Variants in CECR2 observed in about 807,000 individuals in gnomAD.
CECR2 encodes the protein CECR2 histone acetyl-lysine reader.
In CECR2, 30 loss-of-function variants were observed where a neutral mutation model predicts 154.5. The ratio of observed to expected loss-of-function variants is 0.19; its 90% CI spans 0.15 to 0.26. The LOEUF is 0.26. CECR2 is among the 10% of genes least tolerant of loss of function. The pLI is 1.00. For missense variants in CECR2, 1,743 were observed against 1,829.3 expected, an observed-to-expected ratio of 0.95 and a Z score of 0.86; for synonymous variants, 725 against 683.7, an observed-to-expected ratio of 1.06 and a Z score of -0.94.
At chr22:17,487,569 C>T (rs1206643345) in intron 2 of CECR2, among the ~76,000 whole-genome samples, 1 of 152,060 alleles carries the variant, frequency 6.6e-6, no homozygotes, top group Non-Finnish European at 1.5e-5. Context: ...GGTTTGGTAG[C>T]GAGCGCCTGT....
At position 17,402,000 on chromosome 22, in the gene CECR2, T is replaced by G. The variant is rs148436069; in HGVS notation, c.126+32091T>G. Among the ~76,000 whole-genome samples the G allele has an allele frequency of 6.3e-3, 954 of 152,204 alleles. 11 individuals are homozygous for G. Among genetic ancestry groups the G allele is most frequent in the African/African-American group, 0.022 (917 of 41,518 alleles). On this transcript the variant is annotated intron_variant, in intron 1 of 18. Transcript: ENST00000262608. ...AGCTCAACATTTTAACTTTTTTTAT[T>G]GGAGACAGAGTCTCGCTCTTTTGCC... is the stretch of plus-strand genomic sequence containing the variant.
chr22:17,542,703 C>T lies in CECR2; in HGVS notation c.2560C>T (p.Pro854Ser), dbSNP rs1466576763. The T allele has an allele frequency of 1.9e-6, 3 of 1,613,944 alleles. No individual in the cohort carries two copies. The highest frequency in any genetic ancestry group is 2.5e-6 in the Non-Finnish European group (3 of 1,179,918). The change falls in exon 16 of 19, where the codon CCT becomes TCT. Residue 854 changes from proline (P) to serine (S), a missense_variant. Physicochemically the swap from Pro to Ser is moderately conservative, Grantham distance 74. Coordinates refer to ENST00000262608, the MANE Select transcript of CECR2 (RefSeq NM_001290047.2). Reference sequence around the variant, plus strand: ...GTCTGCCGGACATCGGTTACAGCCACCTCCAGTGCCAGCACCCAGTTCTTT... The same window carrying T: ...GTCTGCCGGACATCGGTTACAGCCATCTCCAGTGCCAGCACCCAGTTCTTT... ...CKSAGHRLQP[P>S]PVPAPSSLFG...
At chr22:17,374,934 C>T (rs1242528373) in intron 1 of CECR2, among the ~76,000 whole-genome samples, 9 of 152,024 alleles carry the variant, frequency 5.9e-5, no homozygotes, top group East Asian at 1.9e-4. Context: ...CATCGCACTG[C>T]TTCTGCAGGT....
intron 1 of CECR2, among the ~76,000 whole-genome samples, chr22:17,361,968 A>T (rs1385574431): frequency 6.6e-6 from 1 of 152,080 alleles, no homozygotes; most frequent in African/African-American, 2.4e-5. Context: ...GTGAGTTGGG[A>T]GACACTGCAG....
chr22:17,481,769 G>A (rs1255174228), intron 2 of CECR2, among the ~76,000 whole-genome samples: 3 of 152,160 alleles, frequency 2.0e-5, no homozygotes, highest in Non-Finnish European at 1.5e-5. Flanking sequence ...TACTCATGTG[G>A]TTATGGTGAT....
rs570179521 is a variant in CECR2 at position 17,445,776 on chromosome 22, A to G, written c.127-31812A>G. On this transcript the variant is annotated intron_variant, in intron 1 of 18. Coordinates refer to ENST00000262608, the MANE Select transcript of CECR2 (RefSeq NM_001290047.2). Reference sequence around the variant, plus strand: ...CCTGGCTAATTTTTGTATTTTTAGTAGAGATGGGGTTTTGCCATGTTGGCC... The same window carrying G: ...CCTGGCTAATTTTTGTATTTTTAGTGGAGATGGGGTTTTGCCATGTTGGCC... 1.5e-3 allele frequency among the ~76,000 whole-genome samples: 231 copies of G among 151,974 alleles called. 1 individual carries two copies. The highest frequency in any genetic ancestry group is 2.4e-3 in the Non-Finnish European group (164 of 67,954).
At chr22:17,544,851 G>C (rs1601546824) in intron 16 of CECR2, among the ~76,000 whole-genome samples, 3 of 137,346 alleles carry the variant, frequency 2.2e-5, no homozygotes, top group African/African-American at 8.0e-5. Flanking sequence ...CATGCCTATA[G>C]TCCCAGCTAC....
chr22:17,473,725 G>A (rs145793487), intron 1 of CECR2, among the ~76,000 whole-genome samples: 1 of 152,154 alleles, frequency 6.6e-6, no homozygotes, highest in Non-Finnish European at 1.5e-5. Context: ...ATAATTTATT[G>A]TAGTAAACAC....
chr22:17,457,244 C>T (rs1210999684), intron 1 of CECR2, among the ~76,000 whole-genome samples: 1 of 152,260 alleles, frequency 6.6e-6, no homozygotes, highest in Non-Finnish European at 1.5e-5. Flanking sequence ...TCAGGCTGGT[C>T]TGGAACTGCT....
At chr22:17,525,652 G>T (rs1051733005) in intron 9 of CECR2, among the ~76,000 whole-genome samples, 1 of 152,208 alleles carries the variant, frequency 6.6e-6, no homozygotes, top group South Asian at 2.1e-4. Context: ...GGTTTAGCCT[G>T]TGTCATACTA....
intron 1 of CECR2, among the ~76,000 whole-genome samples, chr22:17,462,476 A>G: frequency 6.6e-6 from 1 of 152,194 alleles, no homozygotes; most frequent in African/African-American, 2.4e-5. Flanking sequence ...AATCTGATGA[A>G]TTGCGAGGAG....
chr22:17,464,723 A>G (rs2054998533), intron 1 of CECR2, among the ~76,000 whole-genome samples: 1 of 151,476 alleles, frequency 6.6e-6, no homozygotes, highest in Non-Finnish European at 1.5e-5. Context: ...CTGGTCTTAA[A>G]CTCCTCGACT....
intron 1 of CECR2, among the ~76,000 whole-genome samples, chr22:17,394,685 A>G (rs144661409): frequency 6.6e-6 from 1 of 152,248 alleles, no homozygotes; most frequent in Non-Finnish European, 1.5e-5. Context: ...AAAGACATCC[A>G]CTGGGATTTT....
chr22:17,515,770 G>A lies in CECR2; in HGVS notation c.954+3874G>A, dbSNP rs1413122463. On this transcript the variant is annotated intron_variant, in intron 8 of 18. Transcript: ENST00000262608. ...GGCTCACTGCAAGCTCCACCTCCCA[G>A]GTTCAAGCCATTCTCCTGCCTCAGC... Among the ~76,000 whole-genome samples, 6 of 151,640 alleles carry A rather than the reference G, an allele frequency of 4.0e-5. 1 individual carries two copies. Among genetic ancestry groups the A allele is most frequent in the Admixed American group, 1.3e-4 (2 of 15,196 alleles).
intron 6 of CECR2, among the ~76,000 whole-genome samples, chr22:17,504,268 G>T (rs556881872): frequency 6.6e-6 from 1 of 151,676 alleles, no homozygotes; most frequent in Non-Finnish European, 1.5e-5. Flanking sequence ...AGCTACTTGG[G>T]GGGTGCTGAG....
intron 1 of CECR2, among the ~76,000 whole-genome samples, chr22:17,421,061 C>T (rs908334236): frequency 2.0e-5 from 3 of 152,150 alleles, no homozygotes; most frequent in Non-Finnish European, 4.4e-5. Flanking sequence ...TGTTGCCATT[C>T]CTATTTTGAA....
chr22:17,497,618 C>A, intron 3 of CECR2, 32 bp downstream of exon 3: 1 of 1,600,780 alleles, frequency 6.2e-7, no homozygotes. Flanking sequence ...TTCCCTGTAG[C>A]TGTGAAAAGC....
chr22:17,401,184 G>A (rs963754736), intron 1 of CECR2, among the ~76,000 whole-genome samples: 2 of 152,200 alleles, frequency 1.3e-5, no homozygotes, highest in South Asian at 4.2e-4. Context: ...GAGGAGGGAC[G>A]GGTGACAGAA....
intron 1 of CECR2, among the ~76,000 whole-genome samples, chr22:17,420,969 C>T (rs2054236974): frequency 6.6e-6 from 1 of 152,172 alleles, no homozygotes; most frequent in Non-Finnish European, 1.5e-5. Flanking sequence ...CTAATTCTTC[C>T]TCCCATCCCT....
Sources: gnomAD v4.1 joint callset for allele counts (sites outside exome capture counted in the v4.1 genomes callset) on GRCh38, gnomAD v4.1.1 for gene constraint, MANE v1.5 for transcripts, NCBI Gene and HGNC (gene_info 2026-07-23, HGNC 2026-07-21) for gene names.